Variants in PSMD1 observed in about 807,000 individuals in gnomAD.
The protein encoded by PSMD1 is 26S proteasome non-ATPase regulatory subunit 1.
Under a neutral mutation model 119.0 loss-of-function variants are expected in PSMD1, and 18 were observed. The observed-to-expected ratio is 0.15, with a 90% CI of 0.10 to 0.22. PSMD1 has a LOEUF of 0.22. PSMD1 is among the 10% of genes least tolerant of loss of function. The probability of loss-of-function intolerance (pLI) is 1.00; values close to 1 mark genes in which losing one functional copy is unlikely to be tolerated. For synonymous variants in PSMD1, 374 were observed against 396.6 expected (o/e 0.94, Z 0.68); for missense variants, 702 against 1,158.5 (o/e 0.61, Z 5.72).
intron 15 of PSMD1, among the ~76,000 whole-genome samples, chr2:231,086,787 A>G (rs1233766782): frequency 1.3e-5 from 2 of 152,192 alleles, no homozygotes; most frequent in South Asian, 2.1e-4. Context: ...TTCTTCAAAA[A>G]TACATGTGGC....
In PSMD1 at chr2:231,123,436, A is replaced by T. The variant is rs770406210; in HGVS notation, c.1884-15300A>T. The T allele has an allele frequency of 5.0e-6, 8 of 1,613,774 alleles. No individual in the cohort carries two copies. The highest frequency in any genetic ancestry group is 6.8e-6 in the Non-Finnish European group (8 of 1,179,784). On this transcript the variant is annotated intron_variant, in intron 16 of 24. Coordinates refer to ENST00000308696, the MANE Select transcript of PSMD1 (RefSeq NM_002807.4). Reference sequence around the variant, plus strand: ...ACCAAACATTATTGTCAAGAGGGCAATTGGCATCACAAACAATCCAACCAG... The same window carrying T: ...ACCAAACATTATTGTCAAGAGGGCATTTGGCATCACAAACAATCCAACCAG...
rs552191484 is a variant in PSMD1 at position 231,131,285 on chromosome 2, G to A, written c.1884-7451G>A. Among the ~76,000 whole-genome samples, 33 of 152,208 alleles carry A rather than the reference G, an allele frequency of 2.2e-4. No homozygotes were observed. In the South Asian group the frequency reaches 4.1e-3, roughly 19 times the overall value. ...AGTTATTTCCATTTTCATGATGTTA[G>A]CAGTCGTTGATAATCATGCTGCGAT... On this transcript the variant is annotated intron_variant, in intron 16 of 24. Coordinates refer to ENST00000308696, the MANE Select transcript of PSMD1 (RefSeq NM_002807.4).
At chr2:231,083,911 T>C (rs1417315651) in intron 14 of PSMD1, 148 bp downstream of exon 14, 1 of 797,544 alleles carries the variant, frequency 1.3e-6, no homozygotes, top group Non-Finnish European at 1.9e-6. Flanking sequence ...CCTAATAGAA[T>C]TTAAGAAATA....
chr2:231,119,527 G>C (rs1038719204), intron 16 of PSMD1, among the ~76,000 whole-genome samples: 4 of 152,088 alleles, frequency 2.6e-5, no homozygotes, highest in African/African-American at 9.7e-5. Context: ...TACTCTTTCA[G>C]CTATACCACG....
chr2:231,157,740 G>A (rs1050695404), intron 19 of PSMD1, among the ~76,000 whole-genome samples: 1 of 151,524 alleles, frequency 6.6e-6, no homozygotes, highest in Non-Finnish European at 1.5e-5. Flanking sequence ...CAAATTTTTT[G>A]TATTTTAGTG....
intron 18 of PSMD1, among the ~76,000 whole-genome samples, chr2:231,152,595 T>A (rs1332359027): frequency 1.3e-5 from 2 of 152,164 alleles, no homozygotes; most frequent in Non-Finnish European, 2.9e-5. Flanking sequence ...TGCCACTGTA[T>A]CACATTGTGG....
Position 231,165,927 on chromosome 2 carries a change from C to G in PSMD1, c.2625C>G (p.Phe875Leu), listed in dbSNP as rs1237920319. 16 of 1,613,650 alleles carry G rather than the reference C, an allele frequency of 9.9e-6. No individual in the cohort carries two copies. The highest frequency in any genetic ancestry group is 2.7e-5 in the African/African-American group (2 of 74,888). The stretch of plus-strand genomic sequence containing the variant: ...AGAAAAAAGAACCTGAGCCAAACTT[C>G]CAGTTATTGGATAACCCAGCCCGAG... ...KEKKKEPEPN[F>L]QLLDNPARVM... Residue 875 changes from phenylalanine (F) to leucine (L), a missense_variant, in exon 23 of 25, where the codon TTC becomes TTG. By Grantham distance (22) the Phe-to-Leu change is conservative. Around this residue, in one of 9 missense-constraint regions of PSMD1, gnomAD observed 152 missense variants for 239.3 expected, o/e 0.64. Coordinates refer to ENST00000308696, the MANE Select transcript of PSMD1 (RefSeq NM_002807.4).
Position 231,161,340 on chromosome 2 carries a change from G to T in PSMD1, c.2219G>T (p.Gly740Val). ...AILAQGILDAGGHNVTISLQS... is the reference protein window; with the variant it reads ...AILAQGILDAVGHNVTISLQS... ...TCATGGTTTCTCTCTTTTTCTACAG[G>T]TGGTCATAATGTCACAATCTCCTTG... Residue 740 changes from glycine (G) to valine (V), a missense_variant and splice_region_variant, in exon 20 of 25, where the codon GGT becomes GTT. Transcript: ENST00000308696. The T allele has an allele frequency of 6.2e-7, 1 of 1,600,516 alleles. No homozygotes were observed.
chr2:231,102,896 A>ATATTTGTTATAGCTTATTTG (rs1694902748), intron 16 of PSMD1, among the ~76,000 whole-genome samples: 1 of 146,230 alleles, frequency 6.8e-6, no homozygotes, highest in African/African-American at 2.4e-5. Flanking sequence ...TAGCTTATTT[A>ATATTTGTTATAGCTTATTTG]TTATATTTGT....
chr2:231,120,467 T>C (rs557810581), intron 16 of PSMD1, among the ~76,000 whole-genome samples: 8 of 152,200 alleles, frequency 5.3e-5, no homozygotes, highest in Non-Finnish European at 8.8e-5. Context: ...ACTACAACTG[T>C]AAAGATCAAG....
chr2:231,157,670 A>G (rs1482916358), intron 19 of PSMD1, among the ~76,000 whole-genome samples: 1 of 151,708 alleles, frequency 6.6e-6, no homozygotes, highest in Non-Finnish European at 1.5e-5. Context: ...GGGTTCAAGC[A>G]ATTCTCCTGC....
At chr2:231,107,266 T>C (rs1694999460) in intron 16 of PSMD1, among the ~76,000 whole-genome samples, 1 of 152,214 alleles carries the variant, frequency 6.6e-6, no homozygotes, top group Non-Finnish European at 1.5e-5. Flanking sequence ...TGTTCACTTA[T>C]ACACTGAGAT....
intron 23 of PSMD1, among the ~76,000 whole-genome samples, chr2:231,168,365 A>T (rs994988029): frequency 1.3e-5 from 2 of 152,368 alleles, no homozygotes; most frequent in African/African-American, 4.8e-5. Context: ...ACTAACGCTC[A>T]TATCAGCATG....
At chr2:231,115,096 C>A (rs1362535110) in intron 16 of PSMD1, among the ~76,000 whole-genome samples, 1 of 151,742 alleles carries the variant, frequency 6.6e-6, no homozygotes, top group Non-Finnish European at 1.5e-5. Context: ...CCAGAATAAT[C>A]ATCTCAGGAT....
intron 16 of PSMD1, chr2:231,109,352 T>G: frequency 6.2e-7 from 1 of 1,614,102 alleles, no homozygotes; most frequent in Non-Finnish European, 8.5e-7. Context: ...ACAAGTGATA[T>G]TGTTTGGGTT....
intron 7 of PSMD1, 65 bp from the exon 8 acceptor site, chr2:231,075,446 C>T: frequency 1.4e-6 from 2 of 1,400,610 alleles, no homozygotes; most frequent in South Asian, 2.5e-5. Flanking sequence ...GGACATGGTT[C>T]AGATCTGTGG....
At chr2:231,068,564 TAAAC>T (rs1559217813) in intron 5 of PSMD1, among the ~76,000 whole-genome samples, 1 of 152,166 alleles carries the variant, frequency 6.6e-6, no homozygotes. Flanking sequence ...ATTCCGGAAA[TAAAC>T]AATTCATGTC....
intron 16 of PSMD1, among the ~76,000 whole-genome samples, chr2:231,129,395 G>A (rs893205036): frequency 6.6e-6 from 1 of 152,154 alleles, no homozygotes; most frequent in African/African-American, 2.4e-5. Flanking sequence ...TTATTATGGT[G>A]ACACAGCAAT....
intron 16 of PSMD1, chr2:231,123,788 C>T (rs1401804747): frequency 1.4e-5 from 21 of 1,553,536 alleles, no homozygotes; most frequent in Non-Finnish European, 1.9e-5. Context: ...GTGATTCAAT[C>T]CCGTTCCGAA....
Sources: gnomAD v4.1 joint callset for allele counts (sites outside exome capture counted in the v4.1 genomes callset) on GRCh38, gnomAD v4.1.1 for gene constraint, gnomAD v4.1.1 regional missense constraint, MANE v1.5 for transcripts, NCBI Gene and HGNC (gene_info 2026-07-23, HGNC 2026-07-21) for gene names.